C1QTNF3: variants seen among roughly 807,000 people sequenced by gnomAD.
The protein encoded by C1QTNF3 is C1q and TNF related 3.
C1QTNF3 carries 26 observed loss-of-function variants against 32.6 expected under a neutral mutation model. The observed-to-expected ratio is 0.80, with a 90% CI of 0.58 to 1.11. The LOEUF is 1.11. Ranked by LOEUF, C1QTNF3 falls within the 50% of genes least tolerant of loss-of-function variation. The pLI is 0.00. For synonymous variants in C1QTNF3, 155 were observed against 146.0 expected (o/e 1.06, Z -0.44); for missense variants, 362 against 398.2 (o/e 0.91, Z 0.77).
chr5:34,160,113 C>T, the C1QTNF3 span, among the ~76,000 whole-genome samples: 364 of 152,248 alleles, frequency 2.4e-3, 4 homozygotes, highest in South Asian at 0.016. Context: ...GTTTATTATT[C>T]AGTACTGAGG....
the C1QTNF3 span, among the ~76,000 whole-genome samples, chr5:34,128,584 TG>T: frequency 6.6e-6 from 1 of 152,220 alleles, no homozygotes; most frequent in South Asian, 2.1e-4. Flanking sequence ...AGAGCCCACT[TG>T]TTGCATCAGC....
At chr5:34,073,190 G>T in the C1QTNF3 span, among the ~76,000 whole-genome samples, 1 of 152,066 alleles carries the variant, frequency 6.6e-6, no homozygotes, top group African/African-American at 2.4e-5. Context: ...AGCCGGGTGT[G>T]GTGGTGGGCG....
the C1QTNF3 span, among the ~76,000 whole-genome samples, chr5:34,111,996 A>C: frequency 6.6e-6 from 1 of 152,230 alleles, no homozygotes; most frequent in Non-Finnish European, 1.5e-5. Flanking sequence ...GAGGAGAGCC[A>C]GAAGTCTGTT....
chr5:34,178,286 G>A, the C1QTNF3 span, among the ~76,000 whole-genome samples: 1 of 152,138 alleles, frequency 6.6e-6, no homozygotes. Context: ...CCTCAAAGGA[G>A]AAAGAATTCA....
chr5:34,085,407 T>C, the C1QTNF3 span, among the ~76,000 whole-genome samples: 4 of 151,146 alleles, frequency 2.6e-5, no homozygotes, highest in Non-Finnish European at 5.9e-5. Context: ...ATTTATTAAA[T>C]AGGGAATCCT....
the C1QTNF3 span, among the ~76,000 whole-genome samples, chr5:34,184,226 G>T: frequency 0.52 from 77,943 of 149,620 alleles, 23,135 homozygotes; most frequent in Non-Finnish European, 0.67. Flanking sequence ...ACACTGATAA[G>T]GAACTTAAAC....
intron 3 of C1QTNF3, among the ~76,000 whole-genome samples, chr5:34,030,355 C>T (rs1161015210): frequency 6.6e-6 from 1 of 152,116 alleles, no homozygotes; most frequent in African/African-American, 2.4e-5. Context: ...AACCAAGAGG[C>T]TCTATGAGTT....
chr5:34,020,837 T>C lies in C1QTNF3; in HGVS notation c.801-95A>G, dbSNP rs182623032. The C allele has an allele frequency of 5.4e-6, 7 of 1,301,034 alleles. No individual in the cohort carries two copies. The Admixed American group carries it at 1.4e-4, about 27-fold the overall frequency. The allele number at this position is 1,301,034 out of a possible 1,614,324, so 80.6% of individuals were successfully genotyped here. A position where few individuals can be genotyped will look rare whatever the true frequency, so the allele number is the denominator to read the frequency against. Reference sequence around the variant, plus strand: ...GCTCCCCTTCTCTCCTTCCCACAGGTATAATCCTGCGGCTAAGTTCTCTAA... The same window carrying C: ...GCTCCCCTTCTCTCCTTCCCACAGGCATAATCCTGCGGCTAAGTTCTCTAA... On this transcript the variant is annotated intron_variant, in intron 5 of 5. Transcript: ENST00000382065.
At chr5:34,161,219 C>T in the C1QTNF3 span, among the ~76,000 whole-genome samples, 2 of 152,122 alleles carry the variant, frequency 1.3e-5, no homozygotes, top group Non-Finnish European at 2.9e-5. Context: ...CCATTCATAG[C>T]TCAATGTGGG....
At chr5:34,216,183 A>G in the C1QTNF3 span, among the ~76,000 whole-genome samples, 1 of 152,192 alleles carries the variant, frequency 6.6e-6, no homozygotes, top group Non-Finnish European at 1.5e-5. Context: ...TACCACCTTC[A>G]TTGTCTTGTT....
chr5:34,145,250 T>C, the C1QTNF3 span, among the ~76,000 whole-genome samples: 1 of 152,082 alleles, frequency 6.6e-6, no homozygotes, highest in Non-Finnish European at 1.5e-5. Flanking sequence ...ATAAGATTGA[T>C]AGAGCACTAT....
At chr5:34,124,277 T>C in the C1QTNF3 span, 10 of 523,388 alleles carry the variant, frequency 1.9e-5, no homozygotes, top group Non-Finnish European at 1.7e-5. Flanking sequence ...TTTTTATCTA[T>C]AATCACATCC....
chr5:34,118,467 A>G, the C1QTNF3 span, among the ~76,000 whole-genome samples: 2 of 152,170 alleles, frequency 1.3e-5, no homozygotes, highest in Admixed American at 6.5e-5. Context: ...GGGATTGACA[A>G]CAACACATTC....
At chr5:34,049,552 T>G in the C1QTNF3 span, among the ~76,000 whole-genome samples, 1 of 152,234 alleles carries the variant, frequency 6.6e-6, no homozygotes, top group Non-Finnish European at 1.5e-5. Flanking sequence ...CCTAGTCATT[T>G]GACAAGGCAA....
chr5:34,235,173 T>C, the C1QTNF3 span, among the ~76,000 whole-genome samples: 1 of 152,122 alleles, frequency 6.6e-6, no homozygotes, highest in African/African-American at 2.4e-5. Flanking sequence ...GGGTTCCTTG[T>C]TTTTTATGAA....
At chr5:34,049,202 G>A in the C1QTNF3 span, among the ~76,000 whole-genome samples, 108,579 of 151,996 alleles carry the variant, frequency 0.71, 39,018 homozygotes, top group East Asian at 0.87. Context: ...TTCTTTCTAT[G>A]TTCCCAGAAT....
At chr5:34,238,943 T>C in the C1QTNF3 span, among the ~76,000 whole-genome samples, 5 of 152,136 alleles carry the variant, frequency 3.3e-5, no homozygotes, top group Non-Finnish European at 7.3e-5. Flanking sequence ...GTAGTAAATA[T>C]CTCAGCAAAA....
chr5:34,127,723 G>C, the C1QTNF3 span, among the ~76,000 whole-genome samples: 1 of 151,778 alleles, frequency 6.6e-6, no homozygotes, highest in African/African-American at 2.4e-5. Flanking sequence ...AAGTAGCTGG[G>C]ATTACAGGCA....
intron 5 of C1QTNF3, among the ~76,000 whole-genome samples, chr5:34,021,150 C>T (rs983392644): frequency 6.6e-5 from 10 of 152,198 alleles, no homozygotes; most frequent in African/African-American, 2.4e-4. Context: ...AGTAATTTAG[C>T]TTCCCCTAAC....
Sources: allele counts gnomAD v4.1 joint callset (sites outside exome capture counted in the v4.1 genomes callset), GRCh38; gene constraint gnomAD v4.1.1; transcripts MANE v1.5; gene names NCBI Gene and HGNC (gene_info 2026-07-23, HGNC 2026-07-21).